The following PLEKHH2 variants were observed in gnomAD, a reference collection of about 807,000 sequenced individuals.
The protein encoded by PLEKHH2 is pleckstrin homology, MyTH4 and FERM domain containing H2, also known as pleckstrin homology domain-containing family H member 2.
In PLEKHH2, 129 loss-of-function variants were observed where a neutral mutation model predicts 187.9. The observed-to-expected ratio is 0.69, with a 90% CI of 0.59 to 0.79. PLEKHH2 has a LOEUF of 0.79. PLEKHH2 is among the 30% of genes least tolerant of loss of function. PLEKHH2 has a pLI of 0.00. For missense variants in PLEKHH2, 2,076 were observed against 1,751.2 expected (o/e 1.19, Z -3.31); for synonymous variants, 686 against 605.6 (o/e 1.13, Z -1.95).
chr2:43,727,327 G>T (rs13010466), intron 17 of PLEKHH2, among the ~76,000 whole-genome samples: 6 of 150,240 alleles, frequency 4.0e-5, no homozygotes, highest in Non-Finnish European at 8.8e-5. Flanking sequence ...CAGGGGAATC[G>T]CTTGAACCCA....
intron 7 of PLEKHH2, among the ~76,000 whole-genome samples, chr2:43,697,713 A>C (rs928589164): frequency 5.3e-5 from 8 of 152,168 alleles, no homozygotes; most frequent in African/African-American, 1.7e-4. Flanking sequence ...ATTTATTTAA[A>C]ATATAAAACA....
At chr2:43,659,158 T>A (rs571213975) in intron 2 of PLEKHH2, among the ~76,000 whole-genome samples, 2 of 150,978 alleles carry the variant, frequency 1.3e-5, no homozygotes, top group South Asian at 4.2e-4. Context: ...TATATATATT[T>A]TTTTCTTTTT....
chr2:43,642,000 A>G (rs1162014414), intron 1 of PLEKHH2, among the ~76,000 whole-genome samples: 1 of 152,140 alleles, frequency 6.6e-6, no homozygotes, highest in African/African-American at 2.4e-5. Flanking sequence ...CAGCTTGTCA[A>G]TTTCTGCAAA....
intron 17 of PLEKHH2, among the ~76,000 whole-genome samples, chr2:43,726,898 A>G (rs1272197174): frequency 6.6e-6 from 1 of 151,712 alleles, no homozygotes; most frequent in Non-Finnish European, 1.5e-5. Flanking sequence ...ATATCATTCA[A>G]TACATATGAT....
At chr2:43,724,959 A>C (rs1444082559) in intron 16 of PLEKHH2, among the ~76,000 whole-genome samples, 1 of 152,216 alleles carries the variant, frequency 6.6e-6, no homozygotes, top group Non-Finnish European at 1.5e-5. Context: ...ACACAGACAG[A>C]GTGAGTTTAG....
chr2:43,697,199 C>T lies in PLEKHH2; in HGVS notation c.531C>T (p.Val177=), dbSNP rs376908545. The T allele has an allele frequency of 1.1e-5, 18 of 1,607,290 alleles. No homozygotes were observed. Among genetic ancestry groups the T allele is most frequent in the Non-Finnish European group, 1.5e-5 (18 of 1,177,450 alleles). ...TTCAAGGAAAGAAGTCATCCACTGT[C>T]TCTACACTAAAGCTTTCGGAAGGCC... The part of the protein sequence containing the change: ...QEVQGKKSST[V]STLKLSEGQR... Residue 177 remains valine, a synonymous_variant, in exon 7 of 30, where the codon GTC becomes GTT. Coordinates refer to ENST00000282406, the MANE Select transcript of PLEKHH2 (RefSeq NM_172069.4).
Position 43,692,626 on chromosome 2 carries a change from A to T in PLEKHH2, c.299A>T (p.Asp100Val), listed in dbSNP as rs556505004. ...GAGTCGCTAATACAGGAAAAAGATG[A>T]CGTCATTCAAAACTTGGAATTGCAA... is the stretch of plus-strand genomic sequence containing the variant. ...DLESLIQEKD[D>V]VIQNLELQLE... Residue 100 changes from aspartate (D) to valine (V), a missense_variant, in exon 4 of 30, where the codon GAC becomes GTC. Transcript: ENST00000282406. The T allele has an allele frequency of 1.2e-6, 2 of 1,613,436 alleles. No homozygotes were observed. The highest frequency in any genetic ancestry group is 1.7e-6 in the Non-Finnish European group (2 of 1,179,716).
At chr2:43,747,262 T>C (rs1415991014) in intron 24 of PLEKHH2, among the ~76,000 whole-genome samples, 1 of 151,908 alleles carries the variant, frequency 6.6e-6, no homozygotes, top group African/African-American at 2.4e-5. Context: ...AAGACTATTG[T>C]TGGGCATATC....
intron 21 of PLEKHH2, 138 bp downstream of exon 21, chr2:43,741,181 A>G (rs1404391934): frequency 3.0e-6 from 2 of 665,162 alleles, no homozygotes; most frequent in Non-Finnish European, 4.6e-6. Flanking sequence ...GCCTTTGGTT[A>G]TCATTGATGT....
At chr2:43,733,356 C>A (rs1487257018) in intron 19 of PLEKHH2, among the ~76,000 whole-genome samples, 2 of 126,966 alleles carry the variant, frequency 1.6e-5, no homozygotes, top group Admixed American at 7.8e-5. Flanking sequence ...GAGCAAGACT[C>A]CATCTCAAAA....
intron 28 of PLEKHH2, 49 bp from the exon 29 acceptor site, chr2:43,764,179 C>A: frequency 8.8e-7 from 1 of 1,130,154 alleles, no homozygotes; most frequent in South Asian, 2.9e-5. Flanking sequence ...TTCCATCTCT[C>A]CTTGGAAGTA....
intron 19 of PLEKHH2, among the ~76,000 whole-genome samples, chr2:43,736,044 T>A (rs1261924877): frequency 1.3e-5 from 2 of 152,094 alleles, no homozygotes; most frequent in Non-Finnish European, 2.9e-5. Flanking sequence ...AAAGTATAAA[T>A]TACATAAAGT....
intron 20 of PLEKHH2, among the ~76,000 whole-genome samples, chr2:43,739,274 A>G (rs991393419): frequency 6.6e-6 from 1 of 152,162 alleles, no homozygotes; most frequent in South Asian, 2.1e-4. Context: ...AACATTCAGT[A>G]TATTTTAAAT....
chr2:43,671,514 T>C (rs1031010466), intron 2 of PLEKHH2, among the ~76,000 whole-genome samples: 1 of 152,178 alleles, frequency 6.6e-6, no homozygotes, highest in Non-Finnish European at 1.5e-5. Flanking sequence ...AGTAAAACCT[T>C]GAGTAGAAGT....
chr2:43,747,029 A>G (rs996221296), intron 24 of PLEKHH2, among the ~76,000 whole-genome samples: 4 of 151,022 alleles, frequency 2.6e-5, no homozygotes, highest in African/African-American at 4.9e-5. Context: ...TGGAAGTCAT[A>G]TATTCTTTAT....
Position 43,677,642 on chromosome 2 carries a change from C to G in PLEKHH2, c.124-1221C>G, listed in dbSNP as rs546489469. ...AACCATCCGATTTCTCAATCTTTTCCCCACCTTTCCCCCATTTCTATTCCA... is the reference window on the plus strand; with the variant it reads ...AACCATCCGATTTCTCAATCTTTTCGCCACCTTTCCCCCATTTCTATTCCA... On this transcript the variant is annotated intron_variant, in intron 2 of 29. Coordinates refer to ENST00000282406, the MANE Select transcript of PLEKHH2 (RefSeq NM_172069.4). 5.3e-5 allele frequency among the ~76,000 whole-genome samples: 8 copies of G among 152,036 alleles called. No individual in the cohort carries two copies. The South Asian group carries it at 1.7e-3, about 32-fold the overall frequency.
At chr2:43,722,089 T>TAA (rs780880178) in intron 16 of PLEKHH2, among the ~76,000 whole-genome samples, 7 of 128,252 alleles carry the variant, frequency 5.5e-5, no homozygotes, top group African/African-American at 1.1e-4. Flanking sequence ...TAGTCTCTAC[T>TAA]AAAAAAAAAA....
At chr2:43,680,911 G>T in intron 3 of PLEKHH2, 1 of 646,586 alleles carries the variant, frequency 1.5e-6, no homozygotes. Flanking sequence ...CTGCCTGGTT[G>T]AAATTTATGT....
chr2:43,677,084 C>T (rs1428353978), intron 2 of PLEKHH2, among the ~76,000 whole-genome samples: 1 of 152,116 alleles, frequency 6.6e-6, no homozygotes, highest in African/African-American at 2.4e-5. Flanking sequence ...TTAAAAGTAT[C>T]GAAACTCTGG....
Sources: allele counts gnomAD v4.1 joint callset (sites outside exome capture counted in the v4.1 genomes callset), GRCh38; gene constraint gnomAD v4.1.1; transcripts MANE v1.5; gene names NCBI Gene and HGNC (gene_info 2026-07-23, HGNC 2026-07-21).